RAB27B: variants seen among roughly 807,000 people sequenced by gnomAD.
RAB27B encodes the protein RAB27B, member RAS oncogene family, also known as ras-related protein Rab-27B.
Under a neutral mutation model 24.6 loss-of-function variants are expected in RAB27B, and 15 were observed. That is an observed-to-expected ratio of 0.61 (90% CI 0.41 to 0.94). The LOEUF is 0.94. Among genes scored for constraint, RAB27B ranks in the 40% least tolerant of loss-of-function variants. The pLI, the probability that RAB27B is intolerant of heterozygous loss-of-function variation, is 0.00. For synonymous variants in RAB27B, 105 were observed against 92.5 expected (o/e 1.14, Z -0.78); for missense variants, 261 against 266.8 (o/e 0.98, Z 0.15).
chr18:54,814,664 T>C (rs1352599590), intron 2 of RAB27B, among the ~76,000 whole-genome samples: 1 of 152,182 alleles, frequency 6.6e-6, no homozygotes, highest in Non-Finnish European at 1.5e-5. Context: ...GTTAAGCATA[T>C]ATTTTTATCT....
At chr18:54,824,765 C>T (rs536355123), upstream of RAB27B, among the ~76,000 whole-genome samples, 22 of 152,296 alleles carry the variant, frequency 1.4e-4, no homozygotes, top group African/African-American at 4.3e-4. Flanking sequence ...GGGCACTTCC[C>T]GCTATCTACT....
At chr18:54,846,589 G>A (rs949620403) in intron 1 of RAB27B, among the ~76,000 whole-genome samples, 2 of 152,174 alleles carry the variant, frequency 1.3e-5, no homozygotes, top group African/African-American at 2.4e-5. Flanking sequence ...TTGAACCAGA[G>A]AACCTTTGAT....
intron 2 of RAB27B, among the ~76,000 whole-genome samples, chr18:54,767,019 C>T (rs1908384120): frequency 6.6e-6 from 1 of 152,120 alleles, no homozygotes; most frequent in South Asian, 2.1e-4. Context: ...TTTTGAGGAC[C>T]ATCCAATTCA....
At chr18:54,746,924 T>A (rs1910267364) in intron 2 of RAB27B, among the ~76,000 whole-genome samples, 1 of 152,200 alleles carries the variant, frequency 6.6e-6, no homozygotes, top group Non-Finnish European at 1.5e-5. Flanking sequence ...CCAACCTTTA[T>A]CTAAGAATTC....
intron 2 of RAB27B, among the ~76,000 whole-genome samples, chr18:54,760,848 G>A (rs1180746600): frequency 6.6e-6 from 1 of 152,098 alleles, no homozygotes; most frequent in Non-Finnish European, 1.5e-5. Context: ...TCATGGAAGG[G>A]AGATAAAGCA....
At chr18:54,854,593 C>G (rs748658102) in intron 1 of RAB27B, among the ~76,000 whole-genome samples, 1 of 152,144 alleles carries the variant, frequency 6.6e-6, no homozygotes, top group Non-Finnish European at 1.5e-5. Flanking sequence ...TTTCCTAACC[C>G]ACCATTTAGA....
chr18:54,813,217 C>T (rs1388367810), intron 2 of RAB27B, among the ~76,000 whole-genome samples: 1 of 152,168 alleles, frequency 6.6e-6, no homozygotes, highest in Non-Finnish European at 1.5e-5. Context: ...TTACCTTCTT[C>T]TATTGCCTAC....
chr18:54,784,028 G>A (rs928645449), intron 2 of RAB27B, among the ~76,000 whole-genome samples: 1 of 152,186 alleles, frequency 6.6e-6, no homozygotes, highest in African/African-American at 2.4e-5. Context: ...AGTTTTCAAA[G>A]ACAAGGGTAC....
At chr18:54,846,441 G>C (rs1308854365) in intron 1 of RAB27B, among the ~76,000 whole-genome samples, 1 of 152,164 alleles carries the variant, frequency 6.6e-6, no homozygotes, top group East Asian at 1.9e-4. Flanking sequence ...TAACAAGAAT[G>C]AACTCTATTT....
At chr18:54,822,646 A>G (rs1910346721) in intron 2 of RAB27B, among the ~76,000 whole-genome samples, 1 of 152,228 alleles carries the variant, frequency 6.6e-6, no homozygotes, top group Admixed American at 6.5e-5. Flanking sequence ...TGACTTGTAG[A>G]AAATGAATTA....
chr18:54,872,994 T>A (rs977526538), intron 1 of RAB27B, among the ~76,000 whole-genome samples: 2 of 152,130 alleles, frequency 1.3e-5, no homozygotes, highest in African/African-American at 2.4e-5. Context: ...TGGGGAAGAG[T>A]GAATCCATGA....
chr18:54,751,797 C>T (rs1018266308), intron 2 of RAB27B, among the ~76,000 whole-genome samples: 1 of 152,090 alleles, frequency 6.6e-6, no homozygotes, highest in African/African-American at 2.4e-5. Context: ...AATTGAGCAT[C>T]GCATGTATGA....
rs1913356612 is a variant in RAB27B, at chr18:54,891,218, T to C, written c.*1805T>C. 1 of 152,074 alleles carries C rather than the reference T, an allele frequency of 6.6e-6. No individual in the cohort carries two copies. The highest frequency in any genetic ancestry group is 2.4e-5 in the African/African-American group (1 of 41,412). The allele number at this position is 152,074 out of a possible 1,614,324, so 9.4% of individuals were successfully genotyped here. ...GATCCAAGGAAATGTCTCTTTATAATGTTCTTAGGATGGACTAGACCCATA... is the reference window on the plus strand; with the variant it reads ...GATCCAAGGAAATGTCTCTTTATAACGTTCTTAGGATGGACTAGACCCATA... On this transcript the variant is annotated 3_prime_UTR_variant, in exon 6 of 6. Coordinates refer to ENST00000262094, the MANE Select transcript of RAB27B (RefSeq NM_004163.4).
At chr18:54,725,940 T>C (rs570106805) in intron 2 of RAB27B, among the ~76,000 whole-genome samples, 5 of 151,666 alleles carry the variant, frequency 3.3e-5, no homozygotes, top group South Asian at 2.1e-4. Flanking sequence ...ATGGAAATCA[T>C]TGGTGAACCA....
chr18:54,835,821 C>T (rs72924733), intron 1 of RAB27B, among the ~76,000 whole-genome samples: 6,664 of 151,976 alleles, frequency 0.044, 200 homozygotes, highest in Non-Finnish European at 0.067. Context: ...TTGAAATTGG[C>T]CTATACAATC....
At chr18:54,874,557 T>A (rs9807112) in intron 1 of RAB27B, among the ~76,000 whole-genome samples, 2 of 127,794 alleles carry the variant, frequency 1.6e-5, no homozygotes, top group Non-Finnish European at 3.5e-5. Context: ...TACACACACA[T>A]TTGCTAAAAA....
chr18:54,765,168 C>T (rs1598887674), intron 2 of RAB27B, among the ~76,000 whole-genome samples: 1 of 152,230 alleles, frequency 6.6e-6, no homozygotes, highest in African/African-American at 2.4e-5. Context: ...ATTAGCATAA[C>T]GATTTTTACA....
chr18:54,829,215 C>A (rs1910583014), intron 1 of RAB27B, among the ~76,000 whole-genome samples: 2 of 152,078 alleles, frequency 1.3e-5, no homozygotes, highest in African/African-American at 4.8e-5. Context: ...CTGTTACTTT[C>A]GAATTCTGAT....
intron 2 of RAB27B, among the ~76,000 whole-genome samples, chr18:54,771,591 A>AGTGTGTGTGTGT (rs36228307): frequency 1.4e-5 from 2 of 144,992 alleles, no homozygotes; most frequent in African/African-American, 5.1e-5. Context: ...CTGATAGTTT[A>AGTGTGTGTGTGT]GTGTGTGTGT....
Sources: gnomAD v4.1 joint callset for allele counts (sites outside exome capture counted in the v4.1 genomes callset) on GRCh38, gnomAD v4.1.1 for gene constraint, MANE v1.5 for transcripts, NCBI Gene and HGNC (gene_info 2026-07-23, HGNC 2026-07-21) for gene names.